CEP112: variants seen among roughly 807,000 people sequenced by gnomAD.
CEP112 encodes the protein centrosomal protein of 112 kDa.
CEP112 carries 127 observed loss-of-function variants against 153.0 expected under a neutral mutation model. That is an observed-to-expected ratio of 0.83 (90% CI 0.72 to 0.96). The LOEUF (loss-of-function observed/expected upper bound fraction) is 0.96, where lower values mean the gene tolerates loss of function less well. Ranked by LOEUF, CEP112 falls within the 40% of genes least tolerant of loss-of-function variation. CEP112 has a pLI of 0.00. For synonymous variants in CEP112, 358 were observed against 374.4 expected (o/e 0.96, Z 0.51); for missense variants, 1,089 against 1,101.2 (o/e 0.99, Z 0.16).
At chr17:66,058,581 C>T (rs940403638) in intron 11 of CEP112, among the ~76,000 whole-genome samples, 1 of 152,026 alleles carries the variant, frequency 6.6e-6, no homozygotes, top group African/African-American at 2.4e-5. Flanking sequence ...AGGCATGGTG[C>T]CTGACTCCTG....
chr17:66,150,760 T>C (rs2071174394), intron 4 of CEP112, among the ~76,000 whole-genome samples: 1 of 152,234 alleles, frequency 6.6e-6, no homozygotes, highest in African/African-American at 2.4e-5. Context: ...TTGGTCAAGT[T>C]GCTCCATCAA....
At chr17:65,981,521 G>C (rs1261001611) in intron 17 of CEP112, among the ~76,000 whole-genome samples, 1 of 152,152 alleles carries the variant, frequency 6.6e-6, no homozygotes. Flanking sequence ...AATTGAGGTT[G>C]AAGAAGTATT....
At chr17:66,184,789 C>A (rs1258318056) in intron 1 of CEP112, among the ~76,000 whole-genome samples, 1 of 151,872 alleles carries the variant, frequency 6.6e-6, no homozygotes. Flanking sequence ...ACAAAAAAAT[C>A]CAAATGTGAT....
chr17:65,722,088 A>T (rs770735994), intron 23 of CEP112, among the ~76,000 whole-genome samples: 1 of 152,166 alleles, frequency 6.6e-6, no homozygotes, highest in Admixed American at 6.5e-5. Context: ...GTGGAGTAGG[A>T]GGGGAAGACC....
At chr17:65,836,787 A>T (rs1306311517) in intron 21 of CEP112, among the ~76,000 whole-genome samples, 1 of 152,060 alleles carries the variant, frequency 6.6e-6, no homozygotes, top group Non-Finnish European at 1.5e-5. Context: ...TAGACCTAAC[A>T]AGACATTTGC....
chr17:66,124,011 C>G (rs2069723849), intron 6 of CEP112, among the ~76,000 whole-genome samples: 1 of 152,214 alleles, frequency 6.6e-6, no homozygotes, highest in Non-Finnish European at 1.5e-5. Context: ...CTCCTACGGA[C>G]AGTAGCTCTG....
chr17:65,705,639 C>T (rs562857618), intron 23 of CEP112, among the ~76,000 whole-genome samples: 63 of 152,232 alleles, frequency 4.1e-4, no homozygotes, highest in African/African-American at 1.4e-3. Context: ...CAGATAAATC[C>T]AGAATGTGGG....
chr17:65,948,632 A>G (rs574945445), intron 18 of CEP112, among the ~76,000 whole-genome samples: 23 of 152,022 alleles, frequency 1.5e-4, no homozygotes, highest in African/African-American at 4.8e-4. Context: ...CATTTTCACA[A>G]TTAAAATATG....
intron 18 of CEP112, among the ~76,000 whole-genome samples, chr17:65,939,967 G>C (rs948562777): frequency 1.3e-5 from 2 of 151,946 alleles, no homozygotes; most frequent in East Asian, 3.8e-4. Flanking sequence ...CAGAATGAAA[G>C]AAAATATCTG....
intron 8 of CEP112, among the ~76,000 whole-genome samples, chr17:66,073,132 A>C (rs1050194049): frequency 2.6e-5 from 4 of 152,246 alleles, no homozygotes; most frequent in African/African-American, 9.6e-5. Flanking sequence ...TTAGGCTTGC[A>C]GATCTACTTC....
intron 21 of CEP112, chr17:65,751,086 A>G: frequency 5.2e-6 from 1 of 192,422 alleles, no homozygotes; most frequent in Middle Eastern, 2.0e-3. Flanking sequence ...GTGAAGGAAG[A>G]AGAAAGGAAG....
At chr17:65,957,460 TC>T (rs1162153972) in intron 18 of CEP112, among the ~76,000 whole-genome samples, 2 of 152,196 alleles carry the variant, frequency 1.3e-5, no homozygotes, top group Admixed American at 1.3e-4. Context: ...TATCCCTTTG[TC>T]CAGTTTATTG....
intron 12 of CEP112, among the ~76,000 whole-genome samples, chr17:66,031,610 C>T (rs1449332985): frequency 1.3e-5 from 2 of 151,898 alleles, no homozygotes; most frequent in African/African-American, 4.8e-5. Context: ...AGGTACATGC[C>T]ACCACACCTG....
intron 19 of CEP112, among the ~76,000 whole-genome samples, chr17:65,919,162 C>T (rs771241447): frequency 3.3e-5 from 5 of 152,206 alleles, no homozygotes; most frequent in Non-Finnish European, 5.9e-5. Flanking sequence ...TTGAAATGTC[C>T]TATTTTGTCT....
At chr17:65,855,458 C>T (rs2058091520) in intron 20 of CEP112, among the ~76,000 whole-genome samples, 1 of 152,176 alleles carries the variant, frequency 6.6e-6, no homozygotes, top group Admixed American at 6.5e-5. Context: ...CACTCACTTC[C>T]AGGAGCTTAG....
At chr17:65,639,876 A>C (rs2045012998) in intron 25 of CEP112, among the ~76,000 whole-genome samples, 2 of 115,306 alleles carry the variant, frequency 1.7e-5, no homozygotes, top group Admixed American at 1.3e-4. Context: ...TTCCTCTGTC[A>C]CCCAGGCTGG....
intron 17 of CEP112, among the ~76,000 whole-genome samples, chr17:65,968,295 TC>T (rs1273066634): frequency 6.6e-6 from 1 of 152,120 alleles, no homozygotes; most frequent in Non-Finnish European, 1.5e-5. Context: ...TTTATTTCCT[TC>T]AAAAACATTA....
chr17:65,800,530 CTTATACT>C (rs2055202863), intron 21 of CEP112, among the ~76,000 whole-genome samples: 1 of 152,120 alleles, frequency 6.6e-6, no homozygotes, highest in South Asian at 2.1e-4. Flanking sequence ...ATTTGGGTTG[CTTATACT>C]TTTTGGCTAT....
At chr17:66,068,982 G>A (rs2067217301) in intron 9 of CEP112, among the ~76,000 whole-genome samples, 1 of 151,734 alleles carries the variant, frequency 6.6e-6, no homozygotes, top group African/African-American at 2.4e-5. Context: ...TGGGGGAGAG[G>A]AAATTGGAAA....
Sources: allele counts gnomAD v4.1 joint callset (sites outside exome capture counted in the v4.1 genomes callset), GRCh38; gene constraint gnomAD v4.1.1; transcripts MANE v1.5; gene names NCBI Gene and HGNC (gene_info 2026-07-23, HGNC 2026-07-21).